Variants in C11orf65 observed in about 807,000 individuals in gnomAD.
The protein encoded by C11orf65 is protein MFI.
A neutral mutation model predicts 35.3 loss-of-function variants in C11orf65; 38 were observed. The ratio of observed to expected loss-of-function variants is 1.08; its 90% CI spans 0.83 to 1.41. The LOEUF (loss-of-function observed/expected upper bound fraction) is 1.41, where lower values mean the gene tolerates loss of function less well. Ranked by LOEUF, C11orf65 falls within the 40% of genes most tolerant of loss-of-function variation. C11orf65 has a pLI of 0.00. For missense variants in C11orf65, 370 were observed against 367.1 expected (o/e 1.01, Z -0.06); for synonymous variants, 105 against 114.4 (o/e 0.92, Z 0.53).
Position 108,403,409 on chromosome 11 carries a change from G to GTTTTT in C11orf65, c.560+2015_560+2019dup, listed in dbSNP as rs71047691. Among the ~76,000 whole-genome samples, 40 of 67,286 alleles carry GTTTTT rather than the reference G, an allele frequency of 5.9e-4. 4 individuals are homozygous for GTTTTT. The highest frequency in any genetic ancestry group is 1.1e-3 in the South Asian group (2 of 1,854). The allele number at this position is 67,286 out of a possible 152,430, so 44.1% of individuals were successfully genotyped here. ...ACTTTAAAATGTGATTGTTTGAGAG[G>GTTTTT]TTTTTTTTTTGTTTTTTTTTTTTTT... is the stretch of plus-strand genomic sequence containing the variant. On this transcript the variant is annotated intron_variant, in intron 6 of 8. Coordinates refer to ENST00000393084, the MANE Select transcript of C11orf65 (RefSeq NM_152587.5).
At chr11:108,331,655 A>T in intron 3 of C11orf65, 1 of 1,417,912 alleles carries the variant, frequency 7.1e-7, no homozygotes, top group South Asian at 1.4e-5. Context: ...AAGAAATGGA[A>T]ATACAAAATT....
intron 3 of C11orf65, among the ~76,000 whole-genome samples, chr11:108,427,352 AC>A (rs1565681650): frequency 6.6e-6 from 1 of 150,780 alleles, no homozygotes; most frequent in Non-Finnish European, 1.5e-5. Flanking sequence ...AAAAAAAAAA[AC>A]CCCACCAAAA....
At position 108,450,424 on chromosome 11, in the gene C11orf65, C is replaced by A. The variant is rs375002043; in HGVS notation, c.81+11055G>T. On this transcript the variant is annotated intron_variant, in intron 2 of 8. Transcript: ENST00000393084. ...ATTAAGAAAATGTGGCACATATACA[C>A]CATGGAATACTATGCAGCCATAAAA... Among the ~76,000 whole-genome samples the A allele has an allele frequency of 1.4e-4, 21 of 151,666 alleles. No individual in the cohort carries two copies. The East Asian group carries it at 3.9e-3, about 28-fold the overall frequency.
intron 7 of C11orf65, among the ~76,000 whole-genome samples, chr11:108,389,635 A>C (rs1393759993): frequency 6.6e-6 from 1 of 152,154 alleles, no homozygotes; most frequent in Non-Finnish European, 1.5e-5. Context: ...ATATGCTATG[A>C]AGAAATTGCT....
At chr11:108,417,980 A>G (rs2138844992) in intron 3 of C11orf65, among the ~76,000 whole-genome samples, 1 of 143,024 alleles carries the variant, frequency 7.0e-6, no homozygotes, top group East Asian at 2.0e-4. Context: ...AAAAAAAAAA[A>G]GAGACAGTTG....
chr11:108,406,914 A>G lies in C11orf65; in HGVS notation c.278T>C (p.Ile93Thr). The G allele has an allele frequency of 6.2e-7, 1 of 1,612,768 alleles. No homozygotes were observed. The highest frequency in any genetic ancestry group is 2.2e-5 in the East Asian group (1 of 44,784). The change falls in exon 5 of 9, where the codon ATT (isoleucine) becomes ACT (threonine). Residue 93 changes from isoleucine (I) to threonine (T), a missense_variant. Transcript: ENST00000393084. ...IYYKIFTHRP[I>T]EDLCANSPRN... is the part of the protein sequence containing the mutation. ...AGGGCTGTTAGCACAGAGATCTTCA[A>G]TAGGTCTGTGAGTAAAAATCTTATA...
intron 2 of C11orf65, among the ~76,000 whole-genome samples, chr11:108,370,996 A>C (rs1250243687): frequency 2.0e-5 from 3 of 152,154 alleles, no homozygotes; most frequent in African/African-American, 7.2e-5. Context: ...AAGATATTAT[A>C]ATTCTCCGGT....
intron 6 of C11orf65, among the ~76,000 whole-genome samples, chr11:108,324,837 G>C (rs904943415): frequency 6.6e-6 from 1 of 152,152 alleles, no homozygotes; most frequent in Non-Finnish European, 1.5e-5. Context: ...CCAGATGCCA[G>C]CTTTTCCTTC....
chr11:108,457,346 A>C (rs2093420909), intron 2 of C11orf65, among the ~76,000 whole-genome samples: 1 of 152,108 alleles, frequency 6.6e-6, no homozygotes, highest in South Asian at 2.1e-4. Context: ...ATCTACAATA[A>C]AAATAGTTAA....
intron 2 of C11orf65, chr11:108,346,384 A>G (rs1591268552): frequency 6.5e-6 from 1 of 153,540 alleles, no homozygotes; most frequent in Admixed American, 6.5e-5. Flanking sequence ...TTTGTGTACA[A>G]TATATATTTT....
chr11:108,423,987 A>G (rs1016269256), intron 3 of C11orf65, among the ~76,000 whole-genome samples: 8 of 152,244 alleles, frequency 5.3e-5, no homozygotes, highest in Non-Finnish European at 1.2e-4. Flanking sequence ...TCCAAAAACC[A>G]GAATACCTCT....
intron 6 of C11orf65, among the ~76,000 whole-genome samples, chr11:108,312,159 A>C (rs1197060014): frequency 6.6e-6 from 1 of 152,222 alleles, no homozygotes; most frequent in Non-Finnish European, 1.5e-5. Context: ...TAAACAATCC[A>C]ATCTCTTTAT....
chr11:108,358,236 G>A (rs954229945), intron 2 of C11orf65, among the ~76,000 whole-genome samples: 41 of 151,058 alleles, frequency 2.7e-4, no homozygotes, highest in African/African-American at 8.6e-4. Context: ...GAGAAGGGAA[G>A]TTCAGAGAAA....
intron 2 of C11orf65, among the ~76,000 whole-genome samples, chr11:108,434,095 A>T (rs544910709): frequency 6.6e-6 from 1 of 152,320 alleles, no homozygotes; most frequent in South Asian, 2.1e-4. Context: ...AACAGAGAAG[A>T]ATCTTAATAA....
downstream of C11orf65, chr11:108,331,052 G>T: frequency 2.0e-6 from 1 of 499,626 alleles, no homozygotes; most frequent in Non-Finnish European, 2.7e-6. Context: ...CTCTGCTGTA[G>T]TATACACTAA....
Position 108,310,337 on chromosome 11 carries a change from G to T in C11orf65, c.641-1266C>A, listed in dbSNP as rs368629884. On this transcript the variant is annotated intron_variant, in intron 6 of 6. Transcript: ENST00000525729. ...AAAGGTAATGGAATTTAGAATTTTTGGTTTTTAAAATTAATGTTGGCATTG... is the reference window on the plus strand; with the variant it reads ...AAAGGTAATGGAATTTAGAATTTTTTGTTTTTAAAATTAATGTTGGCATTG... 1.9e-5 allele frequency: 30 copies of T among 1,606,388 alleles called. No homozygotes were observed. The African/African-American group carries it at 2.8e-4, about 15-fold the overall frequency.
chr11:108,364,061 G>C (rs1378987174), intron 2 of C11orf65, among the ~76,000 whole-genome samples: 1 of 152,136 alleles, frequency 6.6e-6, no homozygotes, highest in Admixed American at 6.6e-5. Context: ...TTTCTCCACA[G>C]TATTTAATGG....
At chr11:108,446,823 A>G (rs1366067541) in intron 2 of C11orf65, among the ~76,000 whole-genome samples, 1 of 152,184 alleles carries the variant, frequency 6.6e-6, no homozygotes, top group Non-Finnish European at 1.5e-5. Context: ...CTCCAATTAA[A>G]AGACACAGAC....
intron 2 of C11orf65, among the ~76,000 whole-genome samples, chr11:108,359,507 C>G (rs2090451040): frequency 6.6e-6 from 1 of 151,966 alleles, no homozygotes; most frequent in Non-Finnish European, 1.5e-5. Flanking sequence ...TTTTCAGCAC[C>G]ACACCACACC....
Sources: gnomAD v4.1 joint callset for allele counts (sites outside exome capture counted in the v4.1 genomes callset) on GRCh38, gnomAD v4.1.1 for gene constraint, MANE v1.5 for transcripts, NCBI Gene and HGNC (gene_info 2026-07-23, HGNC 2026-07-21) for gene names.